The following ZMAT4 variants were observed in gnomAD, a reference collection of about 807,000 sequenced individuals.
ZMAT4 encodes the protein zinc finger matrin-type protein 4.
A neutral mutation model predicts 28.7 loss-of-function variants in ZMAT4; 17 were observed. The ratio of observed to expected loss-of-function variants is 0.59; its 90% CI spans 0.41 to 0.89. ZMAT4 has a LOEUF of 0.89. Ranked by LOEUF, ZMAT4 falls within the 40% of genes least tolerant of loss-of-function variation. The pLI is 0.00. For synonymous variants in ZMAT4, 117 were observed against 109.2 expected (o/e 1.07, Z -0.44); for missense variants, 240 against 283.8 (o/e 0.85, Z 1.11).
At chr8:40,877,626 T>C (rs952273900) in intron 1 of ZMAT4, among the ~76,000 whole-genome samples, 2 of 152,226 alleles carry the variant, frequency 1.3e-5, no homozygotes, top group African/African-American at 4.8e-5. Flanking sequence ...AAACCACAGA[T>C]GTGTTTGAAC....
chr8:40,873,934 G>A (rs1422894252), intron 1 of ZMAT4, among the ~76,000 whole-genome samples: 5 of 152,134 alleles, frequency 3.3e-5, no homozygotes, highest in African/African-American at 7.2e-5. Context: ...CCCAGCGTGC[G>A]TGATCCTGTT....
At chr8:40,826,150 T>C in intron 1 of ZMAT4, among the ~76,000 whole-genome samples, 1 of 152,224 alleles carries the variant, frequency 6.6e-6, no homozygotes, top group East Asian at 1.9e-4. Context: ...ATGTTATATA[T>C]ATTTATATGT....
chr8:40,753,882 G>A (rs1188168542), intron 3 of ZMAT4, among the ~76,000 whole-genome samples: 1 of 152,002 alleles, frequency 6.6e-6, no homozygotes, highest in African/African-American at 2.4e-5. Flanking sequence ...TTTAGCATAG[G>A]GCCTGACACA....
At chr8:40,752,053 C>G (rs751678421) in intron 3 of ZMAT4, among the ~76,000 whole-genome samples, 10 of 152,096 alleles carry the variant, frequency 6.6e-5, no homozygotes, top group Non-Finnish European at 1.5e-4. Flanking sequence ...GATCCCAAGA[C>G]CACACCTGAG....
chr8:40,801,367 T>C (rs1415020180), intron 2 of ZMAT4, among the ~76,000 whole-genome samples: 1 of 145,944 alleles, frequency 6.9e-6, no homozygotes, highest in African/African-American at 2.5e-5. Flanking sequence ...TATATATATA[T>C]ATATACATAT....
rs529448872 is a variant in ZMAT4 at position 40,782,791 on chromosome 8, T to C, written c.103-15061A>G. On this transcript the variant is annotated intron_variant, in intron 2 of 6. Transcript: ENST00000297737. ...GATATACAAATGGTCAATAAGTTGA[T>C]GAAAAGATACTCACCATCACTGGTC... 1.8e-3 allele frequency among the ~76,000 whole-genome samples: 271 copies of C among 152,292 alleles called. 3 individuals carry two copies. The highest frequency in any genetic ancestry group is 4.6e-3 in the Admixed American group (70 of 15,298).
At chr8:40,723,238 A>C (rs1010559226) in intron 3 of ZMAT4, among the ~76,000 whole-genome samples, 5 of 152,180 alleles carry the variant, frequency 3.3e-5, no homozygotes, top group Non-Finnish European at 7.3e-5. Flanking sequence ...TCTAATAGAA[A>C]TCATGCTCTA....
intron 1 of ZMAT4, among the ~76,000 whole-genome samples, chr8:40,862,393 G>A (rs1486705221): frequency 1.2e-4 from 17 of 136,130 alleles, no homozygotes; most frequent in African/African-American, 4.7e-4. Context: ...ACACAGGAAG[G>A]GGAATATCAC....
intron 2 of ZMAT4, among the ~76,000 whole-genome samples, chr8:40,771,433 T>G (rs1314715408): frequency 1.3e-5 from 2 of 152,020 alleles, no homozygotes; most frequent in South Asian, 2.1e-4. Context: ...ATAAATATAA[T>G]AATAATAATT....
At chr8:40,718,538 C>T (rs1373576801) in intron 3 of ZMAT4, among the ~76,000 whole-genome samples, 3 of 151,974 alleles carry the variant, frequency 2.0e-5, no homozygotes, top group Admixed American at 1.3e-4. Context: ...TATTCAAAGG[C>T]AACAGTAGAA....
intron 4 of ZMAT4, among the ~76,000 whole-genome samples, chr8:40,684,291 T>C (rs1460317547): frequency 6.6e-6 from 1 of 152,212 alleles, no homozygotes; most frequent in African/African-American, 2.4e-5. Context: ...ATCTGCTAAC[T>C]GGGCACTGCT....
intron 2 of ZMAT4, among the ~76,000 whole-genome samples, chr8:40,802,679 GA>G (rs1044806132): frequency 6.6e-6 from 1 of 152,042 alleles, no homozygotes. Context: ...ATCAAAATCT[GA>G]AAAAGTTATT....
intron 2 of ZMAT4, among the ~76,000 whole-genome samples, chr8:40,784,676 C>T (rs1315609730): frequency 2.0e-5 from 3 of 152,094 alleles, no homozygotes; most frequent in Non-Finnish European, 4.4e-5. Context: ...CTCAGAGTTC[C>T]ATCAGTTTGA....
In ZMAT4 at chr8:40,700,406, C is replaced by CTTTTTTTTTTTTTT. The variant is rs749363248; in HGVS notation, c.193-3006_193-3005insAAAAAAAAAAAAAA. Among the ~76,000 whole-genome samples the CTTTTTTTTTTTTTT allele has an allele frequency of 9.9e-5, 6 of 60,768 alleles. 3 individuals are homozygous for CTTTTTTTTTTTTTT. Among genetic ancestry groups the CTTTTTTTTTTTTTT allele is most frequent in the Non-Finnish European group, 6.2e-5 (2 of 32,350 alleles). The allele number at this position is 60,768 out of a possible 152,430, so 39.9% of individuals were successfully genotyped here. On this transcript the variant is annotated intron_variant, in intron 3 of 6. Coordinates refer to ENST00000297737, the MANE Select transcript of ZMAT4 (RefSeq NM_024645.3). ...TCACTTCCTTGAGGGGAAGCTGCTG[C>CTTTTTTTTTTTTTT]TTTTCTTTTTTTTTTTTTTTTTTTT...
chr8:40,654,285 T>G (rs1807819519), intron 5 of ZMAT4, among the ~76,000 whole-genome samples: 1 of 152,138 alleles, frequency 6.6e-6, no homozygotes, highest in Non-Finnish European at 1.5e-5. Flanking sequence ...CTTTAGAAGT[T>G]TCCTGAACCT....
At chr8:40,759,826 C>T (rs1224091399) in intron 3 of ZMAT4, among the ~76,000 whole-genome samples, 1 of 152,154 alleles carries the variant, frequency 6.6e-6, no homozygotes, top group Non-Finnish European at 1.5e-5. Flanking sequence ...GAGCTTGCTG[C>T]AAAGACCAAC....
At chr8:40,737,646 G>A (rs1338029838) in intron 3 of ZMAT4, among the ~76,000 whole-genome samples, 1 of 152,162 alleles carries the variant, frequency 6.6e-6, no homozygotes, top group Non-Finnish European at 1.5e-5. Flanking sequence ...CATGTGAGCG[G>A]GACGTAAATG....
intron 3 of ZMAT4, among the ~76,000 whole-genome samples, chr8:40,704,254 A>G (rs1418383183): frequency 6.6e-6 from 1 of 152,154 alleles, no homozygotes; most frequent in Admixed American, 6.5e-5. Context: ...CTTCTCTCCC[A>G]CTTTACTGGG....
At chr8:40,802,021 C>G (rs1403193186) in intron 2 of ZMAT4, among the ~76,000 whole-genome samples, 1 of 152,064 alleles carries the variant, frequency 6.6e-6, no homozygotes, top group Non-Finnish European at 1.5e-5. Flanking sequence ...TTGACAAAAT[C>G]CAACACCCAT....
Sources: allele counts gnomAD v4.1 joint callset (sites outside exome capture counted in the v4.1 genomes callset), GRCh38; gene constraint gnomAD v4.1.1; transcripts MANE v1.5; gene names NCBI Gene and HGNC (gene_info 2026-07-23, HGNC 2026-07-21).